Variants in PPP3CA observed in about 807,000 individuals in gnomAD.
PPP3CA encodes the protein protein phosphatase 3 catalytic subunit alpha.
PPP3CA carries 14 observed loss-of-function variants against 66.5 expected under a neutral mutation model. The observed-to-expected ratio is 0.21, with a 90% CI of 0.14 to 0.33. The LOEUF (loss-of-function observed/expected upper bound fraction) is 0.33, where lower values mean the gene tolerates loss of function less well. Among genes scored for constraint, PPP3CA ranks in the 10% least tolerant of loss-of-function variants. The pLI is 1.00. For missense variants in PPP3CA, 317 were observed against 639.5 expected (o/e 0.50, Z 5.44); for synonymous variants, 232 against 226.2 (o/e 1.03, Z -0.23).
At chr4:101,308,870 TAC>T (rs1432677447) in intron 1 of PPP3CA, among the ~76,000 whole-genome samples, 1 of 152,192 alleles carries the variant, frequency 6.6e-6, no homozygotes, top group Non-Finnish European at 1.5e-5. Flanking sequence ...AAGAGGAAGA[TAC>T]TTCCCAGAAA....
chr4:101,263,595 GT>G (rs35101667), intron 1 of PPP3CA, among the ~76,000 whole-genome samples: 13 of 148,592 alleles, frequency 8.7e-5, no homozygotes, highest in South Asian at 2.1e-4. Flanking sequence ...GATATCTAGT[GT>G]TTTTTTTTTA....
chr4:101,193,173 G>A (rs1039162559), intron 2 of PPP3CA, among the ~76,000 whole-genome samples: 1 of 152,100 alleles, frequency 6.6e-6, no homozygotes, highest in African/African-American at 2.4e-5. Flanking sequence ...AGCCCTTGGA[G>A]GGCAAAGACC....
At chr4:101,183,026 T>C (rs1464878864) in intron 2 of PPP3CA, among the ~76,000 whole-genome samples, 2 of 152,168 alleles carry the variant, frequency 1.3e-5, no homozygotes, top group South Asian at 2.1e-4. Context: ...TGGTATGTCT[T>C]TATTAGCAGC....
At chr4:101,134,456 C>T (rs1249115778) in intron 2 of PPP3CA, among the ~76,000 whole-genome samples, 2 of 152,214 alleles carry the variant, frequency 1.3e-5, no homozygotes, top group Admixed American at 6.5e-5. Flanking sequence ...CAAAAGAAGA[C>T]ATTTATGTGG....
At chr4:101,242,659 T>C (rs11946537) in intron 1 of PPP3CA, among the ~76,000 whole-genome samples, 101,840 of 151,960 alleles carry the variant, frequency 0.67, 35,032 homozygotes, top group Middle Eastern at 0.76. Flanking sequence ...GGGCCAGGTG[T>C]GGTTGCTCAT....
chr4:101,281,242 T>C lies in PPP3CA; in HGVS notation c.58+65497A>G, dbSNP rs542900739. ...ATGGGAGAAGAGCAATTTGAGACAG[T>C]GAACGTACATAATTCTTTTGGAGAG... On this transcript the variant is annotated intron_variant, in intron 1 of 13. Transcript: ENST00000394854. 7.9e-5 allele frequency among the ~76,000 whole-genome samples: 12 copies of C among 152,324 alleles called. No individual in the cohort carries two copies. The South Asian group carries it at 2.5e-3, about 32-fold the overall frequency.
At chr4:101,029,363 A>G (rs946130794) in intron 12 of PPP3CA, among the ~76,000 whole-genome samples, 168 bp from the exon 13 acceptor site, 2 of 104,532 alleles carry the variant, frequency 1.9e-5, no homozygotes, top group Non-Finnish European at 2.3e-5. Flanking sequence ...AAAAAAAAAA[A>G]AAAAAAAAAG....
intron 1 of PPP3CA, among the ~76,000 whole-genome samples, chr4:101,265,065 G>A (rs59540931): frequency 0.063 from 9,514 of 152,188 alleles, 948 homozygotes; most frequent in African/African-American, 0.21. Context: ...ATATCCATAA[G>A]AATTTGGCTG....
intron 2 of PPP3CA, among the ~76,000 whole-genome samples, chr4:101,184,188 T>C (rs1344744837): frequency 6.6e-6 from 1 of 152,114 alleles, no homozygotes; most frequent in Non-Finnish European, 1.5e-5. Context: ...ACTATGCTCG[T>C]TAGTTGTGAT....
chr4:101,055,775 T>C (rs1389358158), intron 10 of PPP3CA, among the ~76,000 whole-genome samples: 6 of 152,120 alleles, frequency 3.9e-5, no homozygotes, highest in Non-Finnish European at 8.8e-5. Context: ...TGATATTGTT[T>C]CATATGCATT....
At chr4:101,316,203 T>C (rs1014650368) in intron 1 of PPP3CA, among the ~76,000 whole-genome samples, 1 of 151,474 alleles carries the variant, frequency 6.6e-6, no homozygotes, top group Non-Finnish European at 1.5e-5. Context: ...GTGTTATTAC[T>C]AAAACATAAG....
chr4:101,058,140 T>TA (rs1319980747), intron 10 of PPP3CA, among the ~76,000 whole-genome samples: 4 of 152,126 alleles, frequency 2.6e-5, no homozygotes, highest in Admixed American at 1.3e-4. Context: ...TGTCTATCCC[T>TA]AAAAATTATA....
intron 1 of PPP3CA, among the ~76,000 whole-genome samples, chr4:101,243,801 T>C (rs1012677554): frequency 6.6e-6 from 1 of 152,180 alleles, no homozygotes; most frequent in Non-Finnish European, 1.5e-5. Context: ...TCCCAGTTCT[T>C]CTCTACATGC....
chr4:101,100,944 G>C lies in PPP3CA; in HGVS notation c.385-1222C>G, dbSNP rs3804358. ...GCTTATATGATAATTTATGAAATGAGTGAGAACTAATTATGTTTGACTATA... is the reference window on the plus strand; with the variant it reads ...GCTTATATGATAATTTATGAAATGACTGAGAACTAATTATGTTTGACTATA... On this transcript the variant is annotated intron_variant, in intron 3 of 13. Transcript: ENST00000394854. Among the ~76,000 whole-genome samples the C allele has an allele frequency of 6.2e-3, 936 of 152,170 alleles. 44 individuals carry two copies. In the East Asian group the frequency reaches 0.13, roughly 20 times the overall value.
intron 1 of PPP3CA, among the ~76,000 whole-genome samples, chr4:101,279,245 G>T (rs1727605836): frequency 6.6e-6 from 1 of 152,152 alleles, no homozygotes; most frequent in Non-Finnish European, 1.5e-5. Flanking sequence ...AAAAAAATGT[G>T]TGATCCAAGA....
At chr4:101,074,374 G>GA (rs1473458420) in intron 8 of PPP3CA, among the ~76,000 whole-genome samples, 1 of 152,254 alleles carries the variant, frequency 6.6e-6, no homozygotes, top group East Asian at 1.9e-4. Context: ...ATAAGTTTGT[G>GA]AAAAATATTC....
intron 1 of PPP3CA, among the ~76,000 whole-genome samples, chr4:101,318,943 T>C (rs1021045273): frequency 1.3e-5 from 2 of 152,074 alleles, no homozygotes; most frequent in African/African-American, 2.4e-5. Flanking sequence ...TTTCAAACTC[T>C]CTATATTCTT....
chr4:101,054,448 C>G (rs1728139968), intron 10 of PPP3CA, among the ~76,000 whole-genome samples: 1 of 151,892 alleles, frequency 6.6e-6, no homozygotes, highest in Non-Finnish European at 1.5e-5. Context: ...CTTGGGGTGC[C>G]AAGGCATTTC....
chr4:101,029,550 T>C (rs138797744), intron 12 of PPP3CA, among the ~76,000 whole-genome samples: 75 of 152,084 alleles, frequency 4.9e-4, no homozygotes, highest in African/African-American at 1.7e-3. Context: ...TCAACTGTGC[T>C]TCTGACTCAC....
Sources: gnomAD v4.1 joint callset for allele counts (sites outside exome capture counted in the v4.1 genomes callset) on GRCh38, gnomAD v4.1.1 for gene constraint, MANE v1.5 for transcripts, NCBI Gene and HGNC (gene_info 2026-07-23, HGNC 2026-07-21) for gene names.